Variants in CCDC178 observed in about 807,000 individuals in gnomAD.
CCDC178 encodes coiled-coil domain containing 178, also known as coiled-coil domain-containing protein 178.
In CCDC178, 126 loss-of-function variants were observed where a neutral mutation model predicts 117.4. The ratio of observed to expected loss-of-function variants is 1.07; its 90% CI spans 0.93 to 1.24. The LOEUF (loss-of-function observed/expected upper bound fraction) is 1.24, where lower values mean the gene tolerates loss of function less well. Among genes scored for constraint, CCDC178 ranks in the 50% most tolerant of loss-of-function variants. The pLI is 0.00. For missense variants in CCDC178, 1,030 were observed against 986.9 expected, an observed-to-expected ratio of 1.04 and a Z score of -0.59; for synonymous variants, 283 against 313.4, an observed-to-expected ratio of 0.90 and a Z score of 1.02.
At chr18:33,174,167 CAGAG>C (rs1430521341) in intron 20 of CCDC178, among the ~76,000 whole-genome samples, 2 of 151,776 alleles carry the variant, frequency 1.3e-5, no homozygotes, top group African/African-American at 2.4e-5. Context: ...AATGGAGCAA[CAGAG>C]AGAGAGTCGG....
intron 11 of CCDC178, among the ~76,000 whole-genome samples, chr18:33,316,986 C>G (rs2062428022): frequency 6.6e-6 from 1 of 152,148 alleles, no homozygotes; most frequent in Non-Finnish European, 1.5e-5. Context: ...ACGGACCAAT[C>G]AGCTCTCTGT....
intron 17 of CCDC178, 64 bp from the exon 18 acceptor site, chr18:33,223,283 A>G: frequency 6.8e-7 from 1 of 1,468,718 alleles, no homozygotes. Context: ...ATTTAGGCCA[A>G]ATCGTACTTA....
rs966463977 is a variant in CCDC178 at position 33,099,647 on chromosome 18, C to T, written c.2239-6737G>A. Among the ~76,000 whole-genome samples, 3 of 151,960 alleles carry T rather than the reference C, an allele frequency of 2.0e-5. No homozygotes were observed. The East Asian group carries it at 5.8e-4, about 29-fold the overall frequency. On this transcript the variant is annotated intron_variant, in intron 20 of 22. Transcript: ENST00000383096. Reference sequence around the variant, plus strand: ...AATATCTTCTTTATTAAGGGCATCACCTACAGTGTGCATAGAAGCATTATT... The same window carrying T: ...AATATCTTCTTTATTAAGGGCATCATCTACAGTGTGCATAGAAGCATTATT...
intron 12 of CCDC178, among the ~76,000 whole-genome samples, chr18:33,281,585 A>G (rs2060026597): frequency 6.6e-6 from 1 of 152,222 alleles, no homozygotes; most frequent in Non-Finnish European, 1.5e-5. Context: ...CAATGTGACA[A>G]GTCTCATAAC....
chr18:33,279,793 C>T (rs150279864), intron 12 of CCDC178, among the ~76,000 whole-genome samples: 10,453 of 152,034 alleles, frequency 0.069, 556 homozygotes, highest in African/African-American at 0.14. Context: ...TCAGAAATAA[C>T]GCCGCTTATC....
intron 22 of CCDC178, among the ~76,000 whole-genome samples, chr18:32,962,049 A>T: frequency 6.8e-6 from 1 of 147,900 alleles, no homozygotes. Flanking sequence ...TGTTAATCTG[A>T]TCATTGGCTT....
At chr18:33,026,826 T>A (rs1199715937) in intron 21 of CCDC178, among the ~76,000 whole-genome samples, 2 of 151,764 alleles carry the variant, frequency 1.3e-5, no homozygotes, top group Non-Finnish European at 1.5e-5. Flanking sequence ...CATAGTAACA[T>A]CCTTCTAAGG....
At chr18:32,997,651 T>C (rs938837104) in intron 21 of CCDC178, among the ~76,000 whole-genome samples, 5 of 152,132 alleles carry the variant, frequency 3.3e-5, no homozygotes, top group African/African-American at 9.7e-5. Context: ...TACCTGTGTA[T>C]GTATATATAA....
chr18:33,170,874 T>C (rs978142016), intron 20 of CCDC178, among the ~76,000 whole-genome samples: 1 of 151,936 alleles, frequency 6.6e-6, no homozygotes, highest in Non-Finnish European at 1.5e-5. Context: ...GCCATTCTTA[T>C]AACAACTTTA....
At chr18:33,063,840 G>A (rs900855675) in intron 21 of CCDC178, among the ~76,000 whole-genome samples, 6 of 152,154 alleles carry the variant, frequency 3.9e-5, no homozygotes, top group African/African-American at 1.4e-4. Flanking sequence ...CAGCTTGCCT[G>A]GCATTCACAT....
At chr18:33,119,260 A>C (rs541304462) in intron 20 of CCDC178, among the ~76,000 whole-genome samples, 1 of 152,316 alleles carries the variant, frequency 6.6e-6, no homozygotes, top group Non-Finnish European at 1.5e-5. Flanking sequence ...CAACCCACAG[A>C]ATGGGAGAAA....
At chr18:33,422,446 A>G (rs1350306801) in intron 2 of CCDC178, among the ~76,000 whole-genome samples, 1 of 152,040 alleles carries the variant, frequency 6.6e-6, no homozygotes, top group Admixed American at 6.6e-5. Context: ...AGAATATACA[A>G]TCTGTGTTAT....
At chr18:32,968,641 A>G (rs2054865654) in intron 22 of CCDC178, among the ~76,000 whole-genome samples, 1 of 152,048 alleles carries the variant, frequency 6.6e-6, no homozygotes, top group Non-Finnish European at 1.5e-5. Context: ...TTTATCGTAT[A>G]TATTCTTAAA....
intron 2 of CCDC178, among the ~76,000 whole-genome samples, chr18:33,416,367 C>T (rs957597887): frequency 1.3e-5 from 2 of 150,954 alleles, no homozygotes; most frequent in African/African-American, 4.9e-5. Flanking sequence ...GCGGAGCTTG[C>T]GGTGAGCAGA....
At chr18:33,171,546 A>G (rs771165209) in intron 20 of CCDC178, among the ~76,000 whole-genome samples, 4 of 152,230 alleles carry the variant, frequency 2.6e-5, no homozygotes, top group Non-Finnish European at 5.9e-5. Flanking sequence ...ACCTAAAAGA[A>G]TGGATTACTG....
intron 20 of CCDC178, among the ~76,000 whole-genome samples, chr18:33,151,715 A>G (rs2058343136): frequency 6.6e-6 from 1 of 152,162 alleles, no homozygotes; most frequent in Non-Finnish European, 1.5e-5. Flanking sequence ...AATCGGGATA[A>G]TAATATTAAC....
chr18:33,083,403 C>T (rs186596191), intron 21 of CCDC178, among the ~76,000 whole-genome samples: 6 of 152,324 alleles, frequency 3.9e-5, no homozygotes, highest in Admixed American at 3.9e-4. Flanking sequence ...ATTTGTTCTT[C>T]ATAGGGAGCA....
chr18:33,085,963 CA>C (rs1403369171), intron 21 of CCDC178, among the ~76,000 whole-genome samples: 3 of 151,904 alleles, frequency 2.0e-5, no homozygotes, highest in African/African-American at 7.2e-5. Flanking sequence ...ATGTTTATGT[CA>C]TTGAGATGCA....
intron 21 of CCDC178, among the ~76,000 whole-genome samples, chr18:33,030,524 G>GATAGACAGATAGATAGATAC (rs1555630255): frequency 0.032 from 4,602 of 141,916 alleles, 96 homozygotes; most frequent in Middle Eastern, 0.069. Context: ...ACTGATAGAA[G>GATAGACAGATAGATAGATAC]ATAGATAGAT....
Sources: gnomAD v4.1 joint callset for allele counts (sites outside exome capture counted in the v4.1 genomes callset) on GRCh38, gnomAD v4.1.1 for gene constraint, MANE v1.5 for transcripts, NCBI Gene and HGNC (gene_info 2026-07-23, HGNC 2026-07-21) for gene names.